STARD9: variants seen among roughly 807,000 people sequenced by gnomAD.
STARD9 encodes stAR-related lipid transfer protein 9.
A neutral mutation model predicts 399.8 loss-of-function variants in STARD9; 346 were observed. The ratio of observed to expected loss-of-function variants is 0.87; its 90% CI spans 0.79 to 0.95. The LOEUF (loss-of-function observed/expected upper bound fraction) is 0.95, where lower values mean the gene tolerates loss of function less well. STARD9 is among the 40% of genes least tolerant of loss of function. The pLI is 0.00. For missense variants in STARD9, 5,832 were observed against 5,667.5 expected (o/e 1.03, Z -0.93); for synonymous variants, 2,203 against 2,143.5 (o/e 1.03, Z -0.77).
At chr15:42,705,247 T>A (rs1001428617) in intron 26 of STARD9, among the ~76,000 whole-genome samples, 1 of 152,176 alleles carries the variant, frequency 6.6e-6, no homozygotes, top group Non-Finnish European at 1.5e-5. Context: ...AGACTGTCCT[T>A]CCTATTATCT....
intron 3 of STARD9, among the ~76,000 whole-genome samples, chr15:42,617,072 C>G (rs1283019511): frequency 1.3e-5 from 2 of 152,072 alleles, no homozygotes; most frequent in Non-Finnish European, 2.9e-5. Flanking sequence ...TTGAATAGAA[C>G]ACTTCTAATG....
Position 42,692,135 on chromosome 15 carries a change from A to G in STARD9, c.10557A>G (p.Glu3519=), listed in dbSNP as rs770947092. Residue 3519 remains glutamate (E), a synonymous_variant, in exon 23 of 33, where the codon GAA becomes GAG. Transcript: ENST00000290607. ...GCTCCAGCATGGACAATGGCCTAGA[A>G]GACCAGAACTCCCCTTTCCACTCCC... ...ARCSSMDNGL[E]DQNSPFHSHL... is the part of the protein sequence containing the mutation. The G allele has an allele frequency of 1.3e-6, 2 of 1,537,188 alleles. No homozygotes were observed. The highest frequency in any genetic ancestry group is 2.4e-5 in the South Asian group (2 of 84,060).
intron 1 of STARD9, 23 bp from the exon 2 acceptor site, chr15:42,583,323 C>G: frequency 6.6e-7 from 1 of 1,518,986 alleles, no homozygotes. Context: ...AACATTTCTT[C>G]TGAGCTTGGG....
chr15:42,670,978 T>C (rs1235548256), intron 16 of STARD9: 1 of 152,076 alleles, frequency 6.6e-6, no homozygotes, highest in Admixed American at 6.6e-5. Flanking sequence ...ACTGATCTGA[T>C]ATATGGATTG....
Position 42,693,095 on chromosome 15 carries a change from T to C in STARD9, c.11517T>C (p.Asp3839=). 1 of 1,537,112 alleles carries C rather than the reference T, an allele frequency of 6.5e-7. No homozygotes were observed. Among genetic ancestry groups the C allele is most frequent in the African/African-American group, 1.4e-5 (1 of 73,112 alleles). The stretch of plus-strand genomic sequence containing the variant: ...CTTCTGTGAGCCCCTCAGTTTCTGA[T>C]GCTTTCCTGCCTCCCAGCTCCCAGC... ...HLPSVSPSVS[D]AFLPPSSQPE... Residue 3839 remains aspartate, a synonymous_variant, in exon 23 of 33, where the codon GAT becomes GAC. Transcript: ENST00000290607.
chr15:42,634,493 T>A, intron 3 of STARD9, among the ~76,000 whole-genome samples: 1 of 152,338 alleles, frequency 6.6e-6, no homozygotes, highest in African/African-American at 2.4e-5. Context: ...TCACTGCAGC[T>A]TTACCTGATT....
At position 42,695,238 on chromosome 15, in the gene STARD9, T is replaced by C. The variant is rs1168623951; in HGVS notation, c.13061T>C (p.Ile4354Thr). 3.3e-6 allele frequency: 5 copies of C among 1,537,132 alleles called. No individual in the cohort carries two copies. The highest frequency in any genetic ancestry group is 3.5e-6 in the Non-Finnish European group (4 of 1,146,844). ...GCCCATGAGGAGGCCAAGGTGGAGA[T>C]TGCCCGGGCCCGAGACCAACTGCGG... is the stretch of plus-strand genomic sequence containing the variant. Reference protein sequence around the residue: ...QQAHEEAKVEIARARDQLRER... With the variant: ...QQAHEEAKVETARARDQLRER... The change falls in exon 25 of 33, where the codon ATT becomes ACT. Residue 4354 changes from isoleucine to threonine, a missense_variant. By Grantham distance (89) the Ile-to-Thr change is moderately conservative (BLOSUM62 -1). This residue lies in a region of STARD9 where 5,828 missense variants were observed against 5,651.1 expected (regional missense o/e 1.03). Transcript: ENST00000290607.
Position 42,665,794 on chromosome 15 carries a change from C to A in STARD9, c.1263C>A (p.Phe421Leu). 6.5e-7 allele frequency: 1 copy of A among 1,537,164 alleles called. No individual in the cohort carries two copies. ...TCTCTATCTTTGTGCAGAGAAACTTCAGTTCATTGAGTGATGAAAACCTGA... is the reference window on the plus strand; with the variant it reads ...TCTCTATCTTTGTGCAGAGAAACTTAAGTTCATTGAGTGATGAAAACCTGA... ...ALLLSFELRNFSSLSDENLKE... is the reference protein window; with the variant it reads ...ALLLSFELRNLSSLSDENLKE... Residue 421 changes from phenylalanine to leucine, a missense_variant, in exon 15 of 33, where the codon TTC becomes TTA. This residue lies in a region of STARD9 where 5,828 missense variants were observed against 5,651.1 expected (regional missense o/e 1.03). Coordinates refer to ENST00000290607, the MANE Select transcript of STARD9 (RefSeq NM_020759.3).
In STARD9 at chr15:42,663,458, T is replaced by C; in HGVS notation, c.1046T>C (p.Leu349Pro). The C allele has an allele frequency of 6.5e-7, 1 of 1,537,252 alleles. No individual in the cohort carries two copies. The highest frequency in any genetic ancestry group is 8.7e-7 in the Non-Finnish European group (1 of 1,146,902). The change falls in exon 12 of 33, where the codon CTT becomes CCT. Residue 349 changes from leucine (L) to proline (P), a missense_variant. Transcript: ENST00000290607. ...SVLTWLLKDSLGGNSKTIMVA... is the reference protein window; with the variant it reads ...SVLTWLLKDSPGGNSKTIMVA... ...TTGACCTGGCTGCTGAAGGACAGCC[T>C]TGGAGGCAACTCTAAAACCATCATG...
At chr15:42,588,797 T>G (rs1216627905) in intron 3 of STARD9, among the ~76,000 whole-genome samples, 62 of 27,184 alleles carry the variant, frequency 2.3e-3, no homozygotes, top group Non-Finnish European at 2.6e-3. Context: ...TTTTTTTTTT[T>G]TTTTTTTTTT....
At chr15:42,619,261 C>T (rs1566878869) in intron 3 of STARD9, among the ~76,000 whole-genome samples, 1 of 152,202 alleles carries the variant, frequency 6.6e-6, no homozygotes, top group Non-Finnish European at 1.5e-5. Flanking sequence ...TCCTGCCACC[C>T]TAACCCCTGG....
chr15:42,686,085 A>G lies in STARD9; in HGVS notation c.4507A>G (p.Ile1503Val). 6.5e-7 allele frequency: 1 copy of G among 1,537,192 alleles called. No homozygotes were observed. Among genetic ancestry groups the G allele is most frequent in the Non-Finnish European group, 8.7e-7 (1 of 1,146,866 alleles). ...ACTCTCTTGTCCTGTTTTGGAGGCC[A>G]TAGGAGCACCCAAGCCAGCTTACCC... The part of the protein sequence containing the change: ...LELSCPVLEA[I>V]GAPKPAYPYL... Residue 1503 changes from isoleucine (I) to valine (V), a missense_variant, in exon 23 of 33, where the codon ATA becomes GTA. Around this residue, in one of 2 missense-constraint regions of STARD9, gnomAD observed 5,828 missense variants for 5,651.1 expected, o/e 1.03. Transcript: ENST00000290607.
Position 42,690,645 on chromosome 15 carries a change from C to T in STARD9, c.9067C>T (p.His3023Tyr). 1 of 1,537,228 alleles carries T rather than the reference C, an allele frequency of 6.5e-7. No individual in the cohort carries two copies. Among genetic ancestry groups the T allele is most frequent in the Non-Finnish European group, 8.7e-7 (1 of 1,146,890 alleles). The change falls in exon 23 of 33, where the codon CAT (histidine) becomes TAT (tyrosine). Residue 3023 changes from histidine to tyrosine, a missense_variant. Physicochemically the swap from His to Tyr is moderately conservative, Grantham distance 83. Around this residue, in one of 2 missense-constraint regions of STARD9, gnomAD observed 5,828 missense variants for 5,651.1 expected, o/e 1.03. Coordinates refer to ENST00000290607, the MANE Select transcript of STARD9 (RefSeq NM_020759.3). ...ISRGPDVHLT[H>Y]GLEPKDVNRE... ...TAGGGGACCTGATGTGCACTTGACA[C>T]ATGGCCTTGAGCCCAAAGATGTTAA... is the stretch of plus-strand genomic sequence containing the variant.
chr15:42,619,538 C>A, intron 3 of STARD9, among the ~76,000 whole-genome samples: 1 of 139,260 alleles, frequency 7.2e-6, no homozygotes, highest in Admixed American at 7.9e-5. Context: ...TGGGTGACAG[C>A]GCAAGACTGT....
At chr15:42,595,014 C>T (rs1396321230) in intron 3 of STARD9, among the ~76,000 whole-genome samples, 1 of 152,188 alleles carries the variant, frequency 6.6e-6, no homozygotes, top group Non-Finnish European at 1.5e-5. Context: ...TATCTGCTGC[C>T]TCAGAAAGTA....
In STARD9 at chr15:42,663,837, A is replaced by G. The variant is rs1372675888; in HGVS notation, c.1096A>G (p.Thr366Ala). The G allele has an allele frequency of 2.0e-6, 3 of 1,536,684 alleles. No homozygotes were observed. The highest frequency in any genetic ancestry group is 1.4e-5 in the African/African-American group (1 of 73,054). ...IMVATVSPAH[T>A]SYSETMSTLR... ...TACCTCAGCGGTGTCTCCTGCACAC[A>G]CTAGCTACAGTGAGACCATGAGCAC... The change falls in exon 13 of 33, where the codon ACT becomes GCT. Residue 366 changes from threonine (T) to alanine (A), a missense_variant. Thr to Ala is a moderately conservative substitution (Grantham distance 58, BLOSUM62 0). Around this residue, in one of 2 missense-constraint regions of STARD9, gnomAD observed 5,828 missense variants for 5,651.1 expected, o/e 1.03. Transcript: ENST00000290607.
intron 15 of STARD9, 55 bp from the exon 16 acceptor site, chr15:42,669,103 C>A: frequency 1.4e-6 from 2 of 1,420,800 alleles, no homozygotes; most frequent in Non-Finnish European, 1.9e-6. Context: ...TGACTTCTGA[C>A]CTTTAGTCTG....
intron 3 of STARD9, among the ~76,000 whole-genome samples, chr15:42,616,890 C>CAAA (rs565991513): frequency 8.9e-4 from 51 of 57,186 alleles, no homozygotes; most frequent in African/African-American, 2.5e-3. Context: ...GACTTCCTCT[C>CAAA]AAAAAAAAAA....
At chr15:42,714,923 G>C (rs2061323408) in intron 26 of STARD9, among the ~76,000 whole-genome samples, 1 of 151,954 alleles carries the variant, frequency 6.6e-6, no homozygotes, top group Admixed American at 6.6e-5. Context: ...TTTATTTTTG[G>C]AAGTCAGTAT....
Sources: allele counts gnomAD v4.1 joint callset (sites outside exome capture counted in the v4.1 genomes callset), GRCh38; gene constraint gnomAD v4.1.1; regional missense constraint gnomAD v4.1.1; transcripts MANE v1.5; gene names NCBI Gene and HGNC (gene_info 2026-07-23, HGNC 2026-07-21).